BBOF1: variants seen among roughly 807,000 people sequenced by gnomAD.
BBOF1 encodes the protein basal body-orientation factor 1.
BBOF1 carries 62 observed loss-of-function variants against 68.0 expected under a neutral mutation model. The observed-to-expected ratio is 0.91, with a 90% CI of 0.74 to 1.13. The LOEUF (loss-of-function observed/expected upper bound fraction) is 1.13. Among genes scored for constraint, BBOF1 ranks in the 50% most tolerant of loss-of-function variants. The probability of loss-of-function intolerance (pLI) is 0.00; values close to 1 mark genes in which losing one functional copy is unlikely to be tolerated. For synonymous variants in BBOF1, 208 were observed against 198.8 expected, an observed-to-expected ratio of 1.05 and a Z score of -0.39; for missense variants, 534 against 600.1, an observed-to-expected ratio of 0.89 and a Z score of 1.15.
At chr14:74,073,833 A>G (rs5025652) in intron 9 of BBOF1, among the ~76,000 whole-genome samples, 83,176 of 149,572 alleles carry the variant, frequency 0.56, 24,248 homozygotes, top group East Asian at 0.89. Flanking sequence ...CAGGAGAATC[A>G]CTTGAACCTG....
chr14:74,077,922 C>T (rs2060630454), intron 9 of BBOF1, among the ~76,000 whole-genome samples: 1 of 152,126 alleles, frequency 6.6e-6, no homozygotes, highest in East Asian at 1.9e-4. Context: ...TAGCACAAAG[C>T]TGGTACTCAT....
intron 2 of BBOF1, among the ~76,000 whole-genome samples, chr14:74,026,860 G>C (rs1217331133): frequency 6.6e-6 from 1 of 151,836 alleles, no homozygotes; most frequent in Non-Finnish European, 1.5e-5. Context: ...AGGAGGTGGA[G>C]GTTGCAGTGA....
In BBOF1 at chr14:74,065,651, C is replaced by T. The variant is rs1036849928; in HGVS notation, c.*952C>T. Reference sequence around the variant, plus strand: ...CCCATCATCAGCTGCCTTTTTAATACCTGAACGACTAGTTTCATCCAATTG... The same window carrying T: ...CCCATCATCAGCTGCCTTTTTAATATCTGAACGACTAGTTTCATCCAATTG... On this transcript the variant is annotated 3_prime_UTR_variant, in exon 12 of 12. Transcript: ENST00000394009. 2 of 356,604 alleles carry T rather than the reference C, an allele frequency of 5.6e-6. No homozygotes were observed. Among genetic ancestry groups the T allele is most frequent in the African/African-American group, 2.1e-5 (1 of 48,048 alleles). The allele number at this position is 356,604 out of a possible 1,614,324, so 22.1% of individuals were successfully genotyped here.
intron 11 of BBOF1, among the ~76,000 whole-genome samples, chr14:74,060,922 C>T (rs1316030557): frequency 6.6e-6 from 1 of 151,918 alleles, no homozygotes; most frequent in Non-Finnish European, 1.5e-5. Flanking sequence ...TAACATAATA[C>T]CTGGCAGATA....
chr14:74,070,012 A>T (rs2060527341), downstream of BBOF1, among the ~76,000 whole-genome samples: 1 of 150,912 alleles, frequency 6.6e-6, no homozygotes, highest in African/African-American at 2.4e-5. Flanking sequence ...TAATTTTTGT[A>T]TTTTTTTTGT....
chr14:74,029,986 A>G (rs1299066057), intron 3 of BBOF1, among the ~76,000 whole-genome samples: 1 of 152,132 alleles, frequency 6.6e-6, no homozygotes, highest in Non-Finnish European at 1.5e-5. Context: ...GTAAACCCCA[A>G]TATATCAATC....
At position 74,050,012 on chromosome 14, in the gene BBOF1, A is replaced by C. The variant is rs756152411; in HGVS notation, c.1103A>C (p.His368Pro). ...GAAAGATTCTTTTTAGATGCTCTGC[A>C]CCAAGTGAAGCAACAGATCCTAATT... Reference protein sequence around the residue: ...EVERFFLDALHQVKQQILISR... With the variant: ...EVERFFLDALPQVKQQILISR... The change falls in exon 8 of 12, where the codon CAC becomes CCC. Residue 368 changes from histidine to proline, a missense_variant. By Grantham distance (77) the His-to-Pro change is moderately conservative. Transcript: ENST00000394009. The C allele has an allele frequency of 6.2e-7, 1 of 1,614,164 alleles. No individual in the cohort carries two copies. Among genetic ancestry groups the C allele is most frequent in the South Asian group, 1.1e-5 (1 of 91,082 alleles).
downstream of BBOF1, chr14:74,066,569 A>T (rs1008191131): frequency 2.1e-6 from 2 of 938,522 alleles, no homozygotes; most frequent in Non-Finnish European, 3.3e-6. Context: ...CAGACTCCAG[A>T]TAAAATAATT....
intron 3 of BBOF1, among the ~76,000 whole-genome samples, chr14:74,032,085 C>A (rs1206999239): frequency 6.6e-6 from 1 of 150,790 alleles, no homozygotes; most frequent in East Asian, 1.9e-4. Flanking sequence ...TGTTTCCTCA[C>A]AGCTTTACCA....
At chr14:74,060,340 A>T (rs1451620661) in intron 11 of BBOF1, 1 of 345,270 alleles carries the variant, frequency 2.9e-6, no homozygotes, top group African/African-American at 2.1e-5. Context: ...CTCCCCTTCA[A>T]ATCATCAGAA....
intron 3 of BBOF1, among the ~76,000 whole-genome samples, chr14:74,030,057 G>T (rs938591334): frequency 2.8e-4 from 43 of 152,186 alleles, no homozygotes; most frequent in Non-Finnish European, 5.4e-4. Flanking sequence ...ATTTTGGGGG[G>T]CATTTTTCTC....
At chr14:74,038,289 G>A (rs562086865) in intron 4 of BBOF1, among the ~76,000 whole-genome samples, 1 of 152,330 alleles carries the variant, frequency 6.6e-6, no homozygotes, top group East Asian at 1.9e-4. Flanking sequence ...TGAAAATGCT[G>A]TAGATTGAAT....
At chr14:74,050,298 T>C (rs1224716977) in intron 8 of BBOF1, 103 bp downstream of exon 8, 20 of 1,333,658 alleles carry the variant, frequency 1.5e-5, no homozygotes, top group Non-Finnish European at 2.0e-5. Context: ...AAGTATTGAA[T>C]AGATTTCTCA....
intron 5 of BBOF1, among the ~76,000 whole-genome samples, chr14:74,044,489 TTTA>T (rs2059904319): frequency 6.7e-6 from 1 of 150,190 alleles, no homozygotes; most frequent in Non-Finnish European, 1.5e-5. Flanking sequence ...TTTTTTTTTT[TTTA>T]AACAGAGTCA....
At position 74,040,625 on chromosome 14, in the gene BBOF1, A is replaced by AGCAGATTTTTTGAAGAAAAGGT. The variant is rs774206871; in HGVS notation, c.557_576+2dup. On this transcript the variant is annotated frameshift_variant, in exon 5 of 12. Coordinates refer to ENST00000394009, the MANE Select transcript of BBOF1 (RefSeq NM_025057.3). LOFTEE classifies it high-confidence loss of function. ...TCAGGAGACTCTTAGAAGACTGGAA[A>AGCAGATTTTTTGAAGAAAAGGT]GCAGATTTTTTGAAGAAAAGGTACA... 3.1e-6 allele frequency: 5 copies of AGCAGATTTTTTGAAGAAAAGGT among 1,590,792 alleles called. No homozygotes were observed. The highest frequency in any genetic ancestry group is 4.3e-6 in the Non-Finnish European group (5 of 1,170,264).
chr14:74,071,940 C>T (rs937769916), intron 9 of BBOF1: 1 of 1,614,084 alleles, frequency 6.2e-7, no homozygotes, highest in Non-Finnish European at 8.5e-7. Flanking sequence ...TAGGGTCTTC[C>T]CTTGTTCCAA....
intron 11 of BBOF1, chr14:74,060,535 A>C (rs761987609): frequency 2.4e-5 from 21 of 865,512 alleles, no homozygotes; most frequent in Non-Finnish European, 4.1e-5. Flanking sequence ...TTTAGTTACA[A>C]TGTATTCCAA....
downstream of BBOF1, chr14:74,067,031 C>A (rs142035272): frequency 4.5e-5 from 36 of 791,272 alleles, no homozygotes; most frequent in African/African-American, 5.7e-4. Context: ...GCCTGGGCAA[C>A]AAAGTGAGAC....
chr14:74,035,441 G>C (rs2141007661), intron 4 of BBOF1, among the ~76,000 whole-genome samples: 1 of 125,772 alleles, frequency 8.0e-6, no homozygotes, highest in South Asian at 2.9e-4. Flanking sequence ...TTTTGAGACA[G>C]AGTCTTACTC....
Sources: allele counts gnomAD v4.1 joint callset (sites outside exome capture counted in the v4.1 genomes callset), GRCh38; gene constraint gnomAD v4.1.1; transcripts MANE v1.5; gene names NCBI Gene and HGNC (gene_info 2026-07-23, HGNC 2026-07-21).